TFCP2L1: variants seen among roughly 807,000 people sequenced by gnomAD.
TFCP2L1 encodes transcription factor CP2 like 1, also known as transcription factor CP2-like protein 1.
Under a neutral mutation model 72.2 loss-of-function variants are expected in TFCP2L1, and 12 were observed. The ratio of observed to expected loss-of-function variants is 0.17; its 90% CI spans 0.11 to 0.27. TFCP2L1 has a LOEUF of 0.27. TFCP2L1 is among the 10% of genes least tolerant of loss of function. The pLI is 1.00. For missense variants in TFCP2L1, 488 were observed against 624.6 expected (o/e 0.78, Z 2.33); for synonymous variants, 260 against 251.0 (o/e 1.04, Z -0.34).
At chr2:121,262,430 C>T (rs1686844835) in intron 2 of TFCP2L1, among the ~76,000 whole-genome samples, 1 of 152,088 alleles carries the variant, frequency 6.6e-6, no homozygotes, top group Non-Finnish European at 1.5e-5. Flanking sequence ...CACCACTGCA[C>T]TCCAGCCTGG....
chr2:121,251,367 G>A (rs557988073), intron 2 of TFCP2L1, among the ~76,000 whole-genome samples: 2 of 152,164 alleles, frequency 1.3e-5, no homozygotes, highest in African/African-American at 2.4e-5. Context: ...ACCTTACTTC[G>A]ATTTCTCTGG....
rs1454023026 is a variant in TFCP2L1 at position 121,223,587 on chromosome 2, T to TA, written c.*753dup. On this transcript the variant is annotated 3_prime_UTR_variant, in exon 15 of 15. Coordinates refer to ENST00000263707, the MANE Select transcript of TFCP2L1 (RefSeq NM_014553.3). ...TAGTCTTTTTCTATTACCATCCCCCTAACCTCCCCACAAAGGGCCTCAGAA... is the reference window on the plus strand; with the variant it reads ...TAGTCTTTTTCTATTACCATCCCCCTAAACCTCCCCACAAAGGGCCTCAGAA... 1.3e-5 allele frequency: 2 copies of TA among 152,648 alleles called. No individual in the cohort carries two copies. Among genetic ancestry groups the TA allele is most frequent in the African/African-American group, 4.8e-5 (2 of 41,452 alleles). The allele number at this position is 152,648 out of a possible 1,614,324, so 9.5% of individuals were successfully genotyped here.
intron 2 of TFCP2L1, among the ~76,000 whole-genome samples, chr2:121,253,246 G>GTGA (rs1251430807): frequency 6.6e-6 from 1 of 152,220 alleles, no homozygotes; most frequent in Non-Finnish European, 1.5e-5. Flanking sequence ...CCCCAGTGCT[G>GTGA]CTCATGGTGA....
At chr2:121,236,469 C>G (rs946762182) in intron 10 of TFCP2L1, among the ~76,000 whole-genome samples, 1 of 152,176 alleles carries the variant, frequency 6.6e-6, no homozygotes, top group Non-Finnish European at 1.5e-5. Flanking sequence ...CCCAAGGGGT[C>G]CCCGAGAGCC....
At chr2:121,232,032 C>A in intron 12 of TFCP2L1, 64 bp from the exon 13 acceptor site, 6 of 1,514,524 alleles carry the variant, frequency 4.0e-6, no homozygotes, top group Non-Finnish European at 5.3e-6. Flanking sequence ...AGCCTCCCAC[C>A]CGCCCTGAGA....
In TFCP2L1 at chr2:121,234,142, G is replaced by A; in HGVS notation, c.1147C>T (p.Arg383Ter). The change falls in exon 12 of 15, where the codon CGA becomes TGA. Residue 383 changes from arginine (R) to a stop codon, truncating the protein, a stop_gained. Transcript: ENST00000263707. LOFTEE classifies it high-confidence loss of function. ...IYVCQELEQN[R>*]VPLQQKRDGS... is the part of the protein sequence containing the mutation. The stretch of plus-strand genomic sequence containing the variant: ...TCCCGCTTCTGCTGCAGGGGCACTC[G>A]ATTCTGCTCCAGCTCCTGACAGACA... The A allele has an allele frequency of 6.2e-7, 1 of 1,614,104 alleles. No homozygotes were observed. Among genetic ancestry groups the A allele is most frequent in the Non-Finnish European group, 8.5e-7 (1 of 1,180,032 alleles).
At chr2:121,235,090 G>T in intron 11 of TFCP2L1, 131 bp downstream of exon 11, 1 of 875,812 alleles carries the variant, frequency 1.1e-6, no homozygotes, top group South Asian at 1.5e-5. Context: ...TCCTACACTT[G>T]ACCCCACACT....
intron 10 of TFCP2L1, 116 bp from the exon 11 acceptor site, chr2:121,235,427 C>T: frequency 1.0e-6 from 1 of 983,654 alleles, no homozygotes; most frequent in Non-Finnish European, 1.6e-6. Flanking sequence ...GAGCCAGCTG[C>T]ACTATCTCAC....
At chr2:121,277,334 C>CA (rs1043565010) in intron 2 of TFCP2L1, among the ~76,000 whole-genome samples, 2 of 151,762 alleles carry the variant, frequency 1.3e-5, no homozygotes, top group African/African-American at 4.8e-5. Context: ...GACCCCAGCT[C>CA]AAAAAAGAAA....
intron 12 of TFCP2L1, 129 bp downstream of exon 12, chr2:121,233,962 G>T (rs142743484): frequency 3.7e-6 from 3 of 803,014 alleles, no homozygotes; most frequent in South Asian, 3.1e-5. Context: ...CCCTTTCCAC[G>T]TGTGGGCATG....
chr2:121,232,013 G>A, intron 12 of TFCP2L1, 45 bp from the exon 13 acceptor site: 3 of 1,542,800 alleles, frequency 1.9e-6, no homozygotes, highest in Non-Finnish European at 2.6e-6. Context: ...TGGCCATTCT[G>A]TCAGTGTGAG....
Position 121,221,906 on chromosome 2 carries a change from A to C in TFCP2L1, c.*2435T>G, listed in dbSNP as rs560949812. 1 of 152,156 alleles carries C rather than the reference A, an allele frequency of 6.6e-6. No individual in the cohort carries two copies. The highest frequency in any genetic ancestry group is 1.5e-5 in the Non-Finnish European group (1 of 68,030). The allele number at this position is 152,156 out of a possible 1,614,324, so 9.4% of individuals were successfully genotyped here. On this transcript the variant is annotated 3_prime_UTR_variant, in exon 15 of 15. Transcript: ENST00000263707. ...TACAAATAGCTCACCCAACTCAATA[A>C]TAAAAAGAAGGCTCATCCCTGGTAG... is the stretch of plus-strand genomic sequence containing the variant.
At chr2:121,239,879 A>G (rs770186639) in intron 7 of TFCP2L1, among the ~76,000 whole-genome samples, 5 of 152,208 alleles carry the variant, frequency 3.3e-5, no homozygotes, top group Admixed American at 2.6e-4. Context: ...CAAGTGAAGT[A>G]CCCAAGGGGT....
Position 121,246,984 on chromosome 2 carries a change from C to A in TFCP2L1, c.505-14G>T. 1 of 1,613,886 alleles carries A rather than the reference C, an allele frequency of 6.2e-7. No homozygotes were observed. On this transcript the variant is annotated splice_polypyrimidine_tract_variant and intron_variant, in intron 5 of 14. Transcript: ENST00000263707. ...GATGCAGTGTACCTGGGAGGAGAAA[C>A]GTTGGGCAGGTGGCAAGGAGGCACC...
At chr2:121,266,716 T>G (rs957987961) in intron 2 of TFCP2L1, among the ~76,000 whole-genome samples, 1 of 152,146 alleles carries the variant, frequency 6.6e-6, no homozygotes, top group East Asian at 1.9e-4. Context: ...AGTGAAAGGG[T>G]GACCTGCCCT....
chr2:121,269,993 A>G lies in TFCP2L1; in HGVS notation c.214+11127T>C, dbSNP rs556355213. 4.0e-5 allele frequency among the ~76,000 whole-genome samples: 6 copies of G among 151,602 alleles called. No individual in the cohort carries two copies. In the South Asian group the frequency reaches 1.2e-3, roughly 32 times the overall value. On this transcript the variant is annotated intron_variant, in intron 2 of 14. Transcript: ENST00000263707. ...GAAATGAATGAAAAAGTGGGAAAAT[A>G]TTTCCAGTACATATTATAATATCCC...
chr2:121,269,918 A>AAAAAAAAAAAAAAATATATATAT, intron 2 of TFCP2L1, among the ~76,000 whole-genome samples: 1 of 115,182 alleles, frequency 8.7e-6, no homozygotes, highest in African/African-American at 3.7e-5. Flanking sequence ...AAAAAAAAAA[A>AAAAAAAAAAAAAAATATATATAT]ATATATATAT....
intron 2 of TFCP2L1, among the ~76,000 whole-genome samples, chr2:121,274,745 G>C (rs1007240123): frequency 6.6e-6 from 1 of 152,044 alleles, no homozygotes. Context: ...AGAAGTTTGA[G>C]ACCAGCCTGG....
At chr2:121,258,915 C>T (rs967911208) in intron 2 of TFCP2L1, among the ~76,000 whole-genome samples, 1 of 152,088 alleles carries the variant, frequency 6.6e-6, no homozygotes, top group Non-Finnish European at 1.5e-5. Context: ...AAAGAATGTC[C>T]TTGTTCTTAG....
Sources: gnomAD v4.1 joint callset for allele counts (sites outside exome capture counted in the v4.1 genomes callset) on GRCh38, gnomAD v4.1.1 for gene constraint, MANE v1.5 for transcripts, NCBI Gene and HGNC (gene_info 2026-07-23, HGNC 2026-07-21) for gene names.